The following DOCK11 variants were observed in gnomAD, a reference collection of about 807,000 sequenced individuals.
DOCK11 encodes dedicator of cytokinesis 11.
DOCK11 carries 70 observed loss-of-function variants against 169.1 expected under a neutral mutation model. The ratio of observed to expected loss-of-function variants is 0.41; its 90% confidence interval spans 0.34 to 0.51. The LOEUF (loss-of-function observed/expected upper bound fraction) is 0.51, where lower values mean the gene tolerates loss of function less well. Ranked by LOEUF, DOCK11 falls within the 20% of genes least tolerant of loss-of-function variation. DOCK11 has a pLI of 0.10. For synonymous variants in DOCK11, 529 were observed against 541.3 expected (o/e 0.98, Z 0.32); for missense variants, 1,166 against 1,538.8 (o/e 0.76, Z 4.05).
intron 1 of DOCK11, among the ~76,000 whole-genome samples, chrX:118,527,790 C>G (rs1380592869): frequency 8.9e-6 from 1 of 111,847 alleles, no homozygotes; most frequent in African/African-American, 3.2e-5. Flanking sequence ...TCTTGGGCCA[C>G]ACACTCCTTT....
At chrX:118,536,298 C>CA (rs529784778) in intron 1 of DOCK11, among the ~76,000 whole-genome samples, 1,209 of 98,604 alleles carry the variant, frequency 0.012, 15 homozygotes, top group East Asian at 0.041. Flanking sequence ...GACCTTGTCT[C>CA]AAAAAAAAAA....
intron 1 of DOCK11, among the ~76,000 whole-genome samples, chrX:118,532,460 C>T (rs1453817491): frequency 1.8e-5 from 2 of 110,554 alleles, no homozygotes; most frequent in Non-Finnish European, 3.8e-5. Context: ...AGACACCTGC[C>T]TCACCTCACC....
rs935941422 is a variant in DOCK11, at chrX:118,663,111, G to C, written c.5076+319G>C. Among the ~76,000 whole-genome samples the C allele has an allele frequency of 3.6e-5, 4 of 111,885 alleles. No individual in the cohort carries two copies. In the Admixed American group the frequency reaches 3.8e-4, roughly 11 times the overall value. On this transcript the variant is annotated intron_variant, in intron 45 of 52. Transcript: ENST00000276202. The stretch of plus-strand genomic sequence containing the variant: ...ATTGCTCTTTACTTCAACTAAGACA[G>C]ACTATGCACAAAAGTATTTTTAAAT...
intron 34 of DOCK11, among the ~76,000 whole-genome samples, chrX:118,628,965 C>T (rs886508266): frequency 1.8e-5 from 2 of 111,674 alleles, no homozygotes; most frequent in Admixed American, 1.9e-4. Flanking sequence ...ATACTCGAAC[C>T]CAGATTTTCT....
At chrX:118,509,805 T>C (rs1262364863) in intron 1 of DOCK11, among the ~76,000 whole-genome samples, 2 of 112,402 alleles carry the variant, frequency 1.8e-5, no homozygotes, top group Non-Finnish European at 3.8e-5. Context: ...CCTCACTTCC[T>C]CCAGAAGCTG....
chrX:118,652,015 T>C lies in DOCK11; in HGVS notation c.4633T>C (p.Ser1545Pro). The change falls in exon 42 of 53, where the codon TCA becomes CCA. Residue 1545 changes from serine to proline, a missense_variant. Coordinates refer to ENST00000276202, the MANE Select transcript of DOCK11 (RefSeq NM_144658.4). ...AGCTGATGTAGCACTAAGCGGAGGA[T>C]CAAGATTTCAGGAGTCTTTATTCAT... ...LIADVALSGG[S>P]RFQESLFIIN... is the part of the protein sequence containing the mutation. 2 of 1,208,668 alleles carry C rather than the reference T, an allele frequency of 1.7e-6. No individual in the cohort carries two copies. Among genetic ancestry groups the C allele is most frequent in the Non-Finnish European group, 2.2e-6 (2 of 893,723 alleles).
intron 44 of DOCK11, 75 bp from the exon 45 acceptor site, chrX:118,662,611 A>G: frequency 1.9e-6 from 1 of 526,428 alleles, no homozygotes; most frequent in East Asian, 3.5e-5. Flanking sequence ...TAAATAGCCC[A>G]TCTCTGTAAG....
intron 42 of DOCK11, 116 bp from the exon 43 acceptor site, chrX:118,654,486 A>C (rs1315988949): frequency 1.6e-6 from 1 of 624,771 alleles, no homozygotes; most frequent in Non-Finnish European, 2.5e-6. Context: ...TACTATATGC[A>C]ATACCAAGAA....
intron 1 of DOCK11, among the ~76,000 whole-genome samples, chrX:118,530,553 A>G (rs1220611988): frequency 1.8e-5 from 2 of 112,346 alleles, no homozygotes; most frequent in African/African-American, 3.2e-5. Flanking sequence ...TGTACACCCC[A>G]GAATCAATGA....
At chrX:118,528,017 G>A (rs143977380) in intron 1 of DOCK11, among the ~76,000 whole-genome samples, 233 of 112,733 alleles carry the variant, frequency 2.1e-3, no homozygotes, top group Non-Finnish European at 3.7e-3. Context: ...CATGTTGTTG[G>A]CATCATTGTG....
intron 31 of DOCK11, among the ~76,000 whole-genome samples, chrX:118,619,969 C>T (rs188239186): frequency 7.3e-5 from 8 of 109,993 alleles, no homozygotes; most frequent in Non-Finnish European, 1.9e-5. Flanking sequence ...AGGCACACAC[C>T]GTCATGCCCA....
chrX:118,506,117 G>T (rs920837187), intron 1 of DOCK11, among the ~76,000 whole-genome samples: 4 of 110,852 alleles, frequency 3.6e-5, no homozygotes, highest in Non-Finnish European at 5.7e-5. Context: ...TGAGCCAGGC[G>T]TGGTGGCACA....
intron 40 of DOCK11, among the ~76,000 whole-genome samples, chrX:118,646,053 C>CAAAAAAAAAAAA (rs754457760): frequency 2.6e-5 from 1 of 38,987 alleles, no homozygotes; most frequent in Non-Finnish European, 4.6e-5. Flanking sequence ...GAGACTTCGT[C>CAAAAAAAAAAAA]AAAAAAAAAA....
At chrX:118,540,051 C>CA (rs58922946) in intron 1 of DOCK11, among the ~76,000 whole-genome samples, 321 of 42,046 alleles carry the variant, frequency 7.6e-3, no homozygotes, top group Non-Finnish European at 9.2e-3. Flanking sequence ...AACTCCATCT[C>CA]AAAAAAAAAA....
intron 33 of DOCK11, 68 bp from the exon 34 acceptor site, chrX:118,628,095 G>A (rs1459943282): frequency 1.8e-5 from 12 of 659,472 alleles, no homozygotes; most frequent in African/African-American, 4.4e-5. Context: ...AATTAGTTCC[G>A]TACTTTTTAA....
chrX:118,539,705 A>G (rs986521148), intron 1 of DOCK11, among the ~76,000 whole-genome samples: 1 of 111,228 alleles, frequency 9.0e-6, no homozygotes, highest in African/African-American at 3.3e-5. Context: ...TTAAAAAAAT[A>G]AGTGATTCAT....
In DOCK11 at chrX:118,511,636, G is replaced by A. The variant is rs773190729; in HGVS notation, c.102+15563G>A. On this transcript the variant is annotated intron_variant, in intron 1 of 52. Coordinates refer to ENST00000276202, the MANE Select transcript of DOCK11 (RefSeq NM_144658.4). ...AGCTGAACTTCACCGAGGCTTCTGG[G>A]TACTGTGCATTAGGTCAATGAGCTT... Among the ~76,000 whole-genome samples, 183 of 111,569 alleles carry A rather than the reference G, an allele frequency of 1.6e-3. 2 individuals are homozygous for A. The highest frequency in any genetic ancestry group is 2.7e-3 in the Non-Finnish European group (145 of 53,171).
Position 118,572,451 on chromosome X carries a change from A to T in DOCK11, c.1164A>T (p.Gly388=). 3.3e-6 allele frequency: 4 copies of T among 1,203,942 alleles called. No individual in the cohort carries two copies. Among genetic ancestry groups the T allele is most frequent in the Non-Finnish European group, 4.5e-6 (4 of 890,539 alleles). ...ILGQIGDNAK[G]PPTNVEPFFI... is the part of the protein sequence containing the mutation. The stretch of plus-strand genomic sequence containing the variant: ...GCCAAATTGGAGACAATGCAAAAGG[A>T]CCACCCACAAATGTATGTATGACTT... The change falls in exon 11 of 53, where the codon GGA becomes GGT. Residue 388 remains glycine, a synonymous_variant. Transcript: ENST00000276202.
intron 42 of DOCK11, among the ~76,000 whole-genome samples, chrX:118,652,796 C>A (rs1479899789): frequency 8.9e-6 from 1 of 112,432 alleles, no homozygotes; most frequent in Non-Finnish European, 1.9e-5. Context: ...AAGAATGAAT[C>A]ATCCCCATTC....
Sources: allele counts gnomAD v4.1 joint callset (sites outside exome capture counted in the v4.1 genomes callset), GRCh38; gene constraint gnomAD v4.1.1; transcripts MANE v1.5; gene names NCBI Gene and HGNC (gene_info 2026-07-23, HGNC 2026-07-21).